The following SLC25A18 variants were observed in gnomAD, a reference collection of about 807,000 sequenced individuals.
SLC25A18 encodes the protein mitochondrial glutamate carrier 2.
SLC25A18 carries 24 observed loss-of-function variants against 31.1 expected under a neutral mutation model. The observed-to-expected ratio is 0.77, with a 90% CI of 0.56 to 1.08. The LOEUF is 1.08. Among genes scored for constraint, SLC25A18 ranks in the 50% least tolerant of loss-of-function variants. The pLI is 0.00. For synonymous variants in SLC25A18, 173 were observed against 161.9 expected (o/e 1.07, Z -0.52); for missense variants, 371 against 418.5 (o/e 0.89, Z 0.99).
chr22:17,578,313 A>T (rs2057285284), intron 2 of SLC25A18, among the ~76,000 whole-genome samples: 1 of 152,216 alleles, frequency 6.6e-6, no homozygotes, highest in Admixed American at 6.5e-5. Flanking sequence ...TTTGTTCACT[A>T]CTATGTCACC....
chr22:17,569,077 C>T (rs949508165), intron 1 of SLC25A18, among the ~76,000 whole-genome samples: 2 of 151,438 alleles, frequency 1.3e-5, no homozygotes, highest in Non-Finnish European at 2.9e-5. Flanking sequence ...GGCGCGATCC[C>T]AGGTCACTGC....
chr22:17,577,509 A>G (rs2057259232), intron 2 of SLC25A18, among the ~76,000 whole-genome samples: 1 of 151,650 alleles, frequency 6.6e-6, no homozygotes, highest in African/African-American at 2.4e-5. Context: ...GAATATGATT[A>G]TAAGAGCAGT....
chr22:17,573,847 T>C (rs2057159517), intron 2 of SLC25A18, among the ~76,000 whole-genome samples: 2 of 152,178 alleles, frequency 1.3e-5, no homozygotes, highest in Admixed American at 1.3e-4. Context: ...ATTGTTTTAC[T>C]CTGAAGGGTC....
chr22:17,571,742 G>A (rs1185694281), intron 2 of SLC25A18, among the ~76,000 whole-genome samples: 4 of 148,604 alleles, frequency 2.7e-5, no homozygotes, highest in African/African-American at 5.0e-5. Flanking sequence ...GCAATGCAGT[G>A]AGACTGTCTC....
chr22:17,584,461 GAGAGAGAGAGAA>G (rs1012902251), intron 7 of SLC25A18, among the ~76,000 whole-genome samples: 6 of 131,884 alleles, frequency 4.5e-5, no homozygotes, highest in Non-Finnish European at 7.9e-5. Context: ...GAGAGAGAGA[GAGAGAGAGAGAA>G]AGAAAGAAAG....
At chr22:17,573,859 C>T (rs1028327693) in intron 2 of SLC25A18, among the ~76,000 whole-genome samples, 1 of 152,178 alleles carries the variant, frequency 6.6e-6, no homozygotes, top group Non-Finnish European at 1.5e-5. Context: ...TGAAGGGTCT[C>T]CTAATTGGCC....
chr22:17,587,428 C>A, intron 8 of SLC25A18, 127 bp downstream of exon 8: 1 of 1,234,852 alleles, frequency 8.1e-7, no homozygotes, highest in Non-Finnish European at 1.1e-6. Flanking sequence ...CAAACGATTT[C>A]CATGCTTCCT....
chr22:17,563,748 T>C, intron 1 of SLC25A18, 35 bp downstream of exon 1: 1 of 984,692 alleles, frequency 1.0e-6, no homozygotes, highest in Non-Finnish European at 1.2e-6. Context: ...GTGAGCCTTG[T>C]ACTTTGCCTA....
At chr22:17,566,550 T>A (rs2146201179) in intron 1 of SLC25A18, among the ~76,000 whole-genome samples, 1 of 152,284 alleles carries the variant, frequency 6.6e-6, no homozygotes, top group South Asian at 2.1e-4. Context: ...ATAGCTGGGA[T>A]TACAGGCATG....
chr22:17,568,237 G>A (rs2056988833), intron 1 of SLC25A18, among the ~76,000 whole-genome samples: 2 of 151,654 alleles, frequency 1.3e-5, no homozygotes, highest in African/African-American at 4.8e-5. Flanking sequence ...TGTGGTGGTG[G>A]GCACCTGTAG....
At position 17,587,143 on chromosome 22, in the gene SLC25A18, T is replaced by C; in HGVS notation, c.417T>C (p.His139=). ...CTGTCCTTTCCCTTCCAGCCGTCCATCATCAGGGCTCGGCCTCAGCACCCT... is the reference window on the plus strand; with the variant it reads ...CTGTCCTTTCCCTTCCAGCCGTCCACCATCAGGGCTCGGCCTCAGCACCCT... ...QLQDAGRLAV[H]HQGSASAPST... Residue 139 remains histidine, a synonymous_variant, in exon 8 of 11, where the codon CAT becomes CAC. Coordinates refer to ENST00000327451, the MANE Select transcript of SLC25A18 (RefSeq NM_031481.3). The C allele has an allele frequency of 6.2e-7, 1 of 1,613,896 alleles. No individual in the cohort carries two copies. Among genetic ancestry groups the C allele is most frequent in the Non-Finnish European group, 8.5e-7 (1 of 1,179,936 alleles).
chr22:17,589,544 C>G (rs760227616), intron 9 of SLC25A18, 46 bp from the exon 10 acceptor site: 146 of 1,569,580 alleles, frequency 9.3e-5, no homozygotes, highest in Non-Finnish European at 1.2e-4. Context: ...GGGAGGACAC[C>G]GAAAGTAAGC....
intron 6 of SLC25A18, among the ~76,000 whole-genome samples, chr22:17,582,867 C>T (rs182775150): frequency 0.011 from 1,637 of 152,162 alleles, 11 homozygotes; most frequent in Middle Eastern, 0.031. Flanking sequence ...ATATAGAGAA[C>T]ATATAGCATA....
At chr22:17,580,841 C>T in intron 3 of SLC25A18, 196 bp from the exon 4 acceptor site, 1 of 1,317,632 alleles carries the variant, frequency 7.6e-7, no homozygotes, top group Non-Finnish European at 9.6e-7. Flanking sequence ...CGGGTTGCAG[C>T]AAGATGCCTC....
chr22:17,576,980 C>G (rs929745917), intron 2 of SLC25A18, among the ~76,000 whole-genome samples: 1 of 152,190 alleles, frequency 6.6e-6, no homozygotes, highest in Admixed American at 6.5e-5. Context: ...CTGCCTCAGC[C>G]TCCCAGGTAG....
In SLC25A18 at chr22:17,588,098, T is replaced by C; in HGVS notation, c.730+19T>C. On this transcript the variant is annotated intron_variant, in intron 9 of 10. Coordinates refer to ENST00000327451, the MANE Select transcript of SLC25A18 (RefSeq NM_031481.3). The stretch of plus-strand genomic sequence containing the variant: ...CTAGATGGTAAGGAGTTGGGAGACG[T>C]GTCCTTTCTATGGGATAAACAGTAA... 4.3e-6 allele frequency: 7 copies of C among 1,613,588 alleles called. No homozygotes were observed. Among genetic ancestry groups the C allele is most frequent in the Non-Finnish European group, 5.9e-6 (7 of 1,179,860 alleles).
rs776555295 is a variant in SLC25A18, at chr22:17,579,999, C to CCT, written c.20+36_20+37dup. The CCT allele has an allele frequency of 3.1e-5, 50 of 1,600,734 alleles. No individual in the cohort carries two copies. In the African/African-American group the frequency reaches 5.6e-4, roughly 18 times the overall value. The stretch of plus-strand genomic sequence containing the variant: ...GCTGGGGCAGCCTGAGGCCCTGGGC[C>CCT]CTGGGCCTGGCGGAGAGTCGCTGTG... On this transcript the variant is annotated intron_variant, in intron 3 of 10. Transcript: ENST00000327451.
chr22:17,589,456 G>A (rs770723668), intron 9 of SLC25A18, 134 bp from the exon 10 acceptor site: 50 of 687,732 alleles, frequency 7.3e-5, no homozygotes, highest in Non-Finnish European at 1.1e-4. Flanking sequence ...GATTACAGGC[G>A]TGAGCCACTG....
At chr22:17,565,728 A>G (rs1390810090) in intron 1 of SLC25A18, among the ~76,000 whole-genome samples, 5 of 152,090 alleles carry the variant, frequency 3.3e-5, no homozygotes, top group African/African-American at 7.2e-5. Context: ...TTAGCCGGGC[A>G]TGATGGGGCA....
Sources: gnomAD v4.1 joint callset for allele counts (sites outside exome capture counted in the v4.1 genomes callset) on GRCh38, gnomAD v4.1.1 for gene constraint, MANE v1.5 for transcripts, NCBI Gene and HGNC (gene_info 2026-07-23, HGNC 2026-07-21) for gene names.